The following TCF4 variants were observed in gnomAD, a reference collection of about 807,000 sequenced individuals.
The protein encoded by TCF4 is SL3-3 enhancer factor 2.
TCF4 carries 3 observed loss-of-function variants against 82.1 expected under a neutral mutation model. The observed-to-expected ratio is 0.04, with a 90% confidence interval of 0.02 to 0.09. The LOEUF is 0.09. Ranked by LOEUF, TCF4 falls within the 10% of genes least tolerant of loss-of-function variation. The pLI is 1.00. For synonymous variants in TCF4, 276 were observed against 309.6 expected, an observed-to-expected ratio of 0.89 and a Z score of 1.14; for missense variants, 518 against 852.7, an observed-to-expected ratio of 0.61 and a Z score of 4.89.
Position 55,560,193 on chromosome 18 carries a change from A to G in TCF4, c.145+25087T>C, listed in dbSNP as rs1603623109. 2.0e-5 allele frequency among the ~76,000 whole-genome samples: 3 copies of G among 152,328 alleles called. No individual in the cohort carries two copies. The East Asian group carries it at 5.8e-4, about 29-fold the overall frequency. On this transcript the variant is annotated intron_variant, in intron 3 of 19. Transcript: ENST00000354452. ...TTTCCGTAAATGAAGTTTTATTCCA[A>G]ACAAATGACCCATGATGATCCAGAA... is the stretch of plus-strand genomic sequence containing the variant.
intron 15 of TCF4, among the ~76,000 whole-genome samples, chr18:55,252,151 G>GAC (rs926713381): frequency 3.3e-5 from 5 of 152,068 alleles, no homozygotes; most frequent in African/African-American, 4.8e-5. Context: ...AGATTCTGGG[G>GAC]ACACGTTGAA....
At chr18:55,348,261 T>C (rs2081605604) in intron 8 of TCF4, among the ~76,000 whole-genome samples, 1 of 152,186 alleles carries the variant, frequency 6.6e-6, no homozygotes, top group Non-Finnish European at 1.5e-5. Flanking sequence ...GATTAAATTA[T>C]AAAATTACCT....
chr18:55,387,928 G>C (rs1302044321), intron 6 of TCF4, among the ~76,000 whole-genome samples: 2 of 152,184 alleles, frequency 1.3e-5, no homozygotes, highest in African/African-American at 2.4e-5. Flanking sequence ...AATTTTACTT[G>C]TATTGTGTGG....
chr18:55,422,558 T>A, intron 5 of TCF4: 3 of 745,140 alleles, frequency 4.0e-6, no homozygotes, highest in Non-Finnish European at 4.9e-6. Context: ...GATGGAAATT[T>A]AGGGGGGTGG....
rs549809084 is a variant in TCF4 at position 55,353,121 on chromosome 18, G to T, written c.370-2118C>A. ...TTTAACCATTGGTTAATTCCTCTTG[G>T]TCCTGGTGGCAAAGGTTTTCACTCT... On this transcript the variant is annotated intron_variant, in intron 6 of 19. Coordinates refer to ENST00000354452, the MANE Select transcript of TCF4 (RefSeq NM_001083962.2). 1.4e-4 allele frequency among the ~76,000 whole-genome samples: 22 copies of T among 152,068 alleles called. No homozygotes were observed. In the South Asian group the frequency reaches 4.6e-3, roughly 32 times the overall value.
At chr18:55,322,425 G>GAGAAAAAA in intron 8 of TCF4, 2 of 772,592 alleles carry the variant, frequency 2.6e-6, no homozygotes, top group Non-Finnish European at 2.9e-6. Context: ...GGGGAGGGAA[G>GAGAAAAAA]AAAAAAAAAA....
At chr18:55,588,492 G>C (rs931100232), upstream of TCF4, 1 of 1,535,134 alleles carries the variant, frequency 6.5e-7, no homozygotes, top group Non-Finnish European at 8.7e-7. Context: ...CAGATCGTCA[G>C]TTACAATCTG....
chr18:55,267,976 C>T (rs935949639), intron 11 of TCF4: 2 of 152,106 alleles, frequency 1.3e-5, no homozygotes, highest in African/African-American at 4.8e-5. Context: ...TGTTCATCCA[C>T]AAACTAATGA....
At chr18:55,478,132 T>C (rs1326249435) in intron 3 of TCF4, among the ~76,000 whole-genome samples, 1 of 152,212 alleles carries the variant, frequency 6.6e-6, no homozygotes, top group East Asian at 1.9e-4. Context: ...AAGCCGGAGC[T>C]GTCAGTAGAG....
chr18:55,300,250 T>C (rs1443702015), intron 8 of TCF4, among the ~76,000 whole-genome samples: 2 of 152,218 alleles, frequency 1.3e-5, no homozygotes, highest in Non-Finnish European at 1.5e-5. Flanking sequence ...GCCAACCATT[T>C]GTTTCTTAAC....
chr18:55,534,712 CT>C (rs1310189010), intron 3 of TCF4, among the ~76,000 whole-genome samples: 1 of 152,198 alleles, frequency 6.6e-6, no homozygotes, highest in African/African-American at 2.4e-5. Flanking sequence ...AAAAAAACCC[CT>C]TTTCAAGACT....
intron 3 of TCF4, among the ~76,000 whole-genome samples, chr18:55,489,633 C>T (rs1194391760): frequency 6.6e-6 from 1 of 152,044 alleles, no homozygotes; most frequent in African/African-American, 2.4e-5. Context: ...CAAAAGAAAC[C>T]TTTTATGAGG....
intron 6 of TCF4, among the ~76,000 whole-genome samples, chr18:55,351,470 G>A (rs912697417): frequency 3.3e-5 from 5 of 151,858 alleles, no homozygotes; most frequent in African/African-American, 9.7e-5. Context: ...TCTCTGTACC[G>A]CATATCATGA....
chr18:55,526,964 A>G (rs889014292), intron 3 of TCF4, among the ~76,000 whole-genome samples: 14 of 152,210 alleles, frequency 9.2e-5, no homozygotes, highest in African/African-American at 3.1e-4. Context: ...TCCAGGCTCA[A>G]TCCACCAAGA....
intron 3 of TCF4, among the ~76,000 whole-genome samples, chr18:55,580,593 G>C (rs1167766490): frequency 2.0e-5 from 3 of 152,002 alleles, no homozygotes; most frequent in African/African-American, 7.2e-5. Flanking sequence ...ATACAAAGGC[G>C]GGAAAAATAA....
intron 6 of TCF4, chr18:55,401,352 C>T: frequency 8.8e-7 from 1 of 1,134,854 alleles, no homozygotes; most frequent in South Asian, 2.1e-5. Context: ...TAGACTCTTG[C>T]AAGACTCACA....
At chr18:55,379,958 CG>C (rs2145833438) in intron 6 of TCF4, among the ~76,000 whole-genome samples, 1 of 152,222 alleles carries the variant, frequency 6.6e-6, no homozygotes, top group African/African-American at 2.4e-5. Context: ...ACTGCAGCCT[CG>C]ACTTTCCGGG....
intron 5 of TCF4, among the ~76,000 whole-genome samples, chr18:55,418,764 G>A (rs901832504): frequency 6.6e-6 from 1 of 152,122 alleles, no homozygotes; most frequent in African/African-American, 2.4e-5. Flanking sequence ...TGAGGAAGTA[G>A]GAGCATTAAA....
intron 8 of TCF4, among the ~76,000 whole-genome samples, chr18:55,305,923 T>C (rs532940457): frequency 6.6e-6 from 1 of 152,044 alleles, no homozygotes; most frequent in South Asian, 2.1e-4. Context: ...GATACAGAGG[T>C]GAACTATTTT....
Sources: gnomAD v4.1 joint callset for allele counts (sites outside exome capture counted in the v4.1 genomes callset) on GRCh38, gnomAD v4.1.1 for gene constraint, MANE v1.5 for transcripts, NCBI Gene and HGNC (gene_info 2026-07-23, HGNC 2026-07-21) for gene names.